Variants in ARFGEF3 observed in about 807,000 individuals in gnomAD.
ARFGEF3 encodes the protein ARFGEF family member 3, also known as brefeldin A-inhibited guanine nucleotide-exchange protein 3.
A neutral mutation model predicts 221.7 loss-of-function variants in ARFGEF3; 96 were observed. The observed-to-expected ratio is 0.43, with a 90% CI of 0.37 to 0.51. ARFGEF3 has a LOEUF of 0.51. Ranked by LOEUF, ARFGEF3 falls within the 20% of genes least tolerant of loss-of-function variation. The pLI is 0.00. For synonymous variants in ARFGEF3, 1,145 were observed against 1,126.8 expected, an observed-to-expected ratio of 1.02 and a Z score of -0.32; for missense variants, 2,410 against 2,789.9, an observed-to-expected ratio of 0.86 and a Z score of 3.07.
intron 4 of ARFGEF3, among the ~76,000 whole-genome samples, chr6:138,222,055 T>G (rs149576111): frequency 3.9e-4 from 59 of 152,286 alleles, no homozygotes; most frequent in Middle Eastern, 6.8e-3. Context: ...TAATCCACAG[T>G]CTCTGAAGCA....
intron 5 of ARFGEF3, among the ~76,000 whole-genome samples, chr6:138,233,502 G>A (rs1292122469): frequency 1.3e-5 from 2 of 151,900 alleles, no homozygotes; most frequent in South Asian, 4.2e-4. Flanking sequence ...TCAGCCTCCC[G>A]AGTAGCTGGG....
intron 2 of ARFGEF3, among the ~76,000 whole-genome samples, chr6:138,195,302 C>A (rs1368758040): frequency 6.6e-6 from 1 of 152,062 alleles, no homozygotes; most frequent in African/African-American, 2.4e-5. Context: ...CCGCACCTGG[C>A]AACCTTTTTC....
intron 12 of ARFGEF3, among the ~76,000 whole-genome samples, chr6:138,271,591 G>A (rs1009757614): frequency 6.6e-6 from 1 of 152,198 alleles, no homozygotes; most frequent in African/African-American, 2.4e-5. Flanking sequence ...CACAGGTTAA[G>A]TAATAAGTCA....
At chr6:138,333,042 G>A (rs564083343) in intron 32 of ARFGEF3, among the ~76,000 whole-genome samples, 20 of 152,286 alleles carry the variant, frequency 1.3e-4, no homozygotes, top group Admixed American at 3.3e-4. Context: ...ATTAATAACG[G>A]TTGTCATAAT....
At chr6:138,231,500 G>A (rs1583023677) in intron 5 of ARFGEF3, among the ~76,000 whole-genome samples, 1 of 152,170 alleles carries the variant, frequency 6.6e-6, no homozygotes, top group African/African-American at 2.4e-5. Context: ...GAAATGATAA[G>A]TGATACTGAG....
At chr6:138,164,397 G>C (rs1176960507) in intron 1 of ARFGEF3, among the ~76,000 whole-genome samples, 1 of 152,148 alleles carries the variant, frequency 6.6e-6, no homozygotes, top group Non-Finnish European at 1.5e-5. Flanking sequence ...CTTTGCTCTT[G>C]CTAGTCCTTC....
intron 24 of ARFGEF3, 102 bp downstream of exon 24, chr6:138,308,963 G>T (rs1430747431): frequency 1.2e-5 from 17 of 1,363,392 alleles, no homozygotes; most frequent in Non-Finnish European, 1.7e-5. Context: ...GAACAAGCAC[G>T]CATCCTGGGG....
chr6:138,271,020 A>G (rs980693563), intron 12 of ARFGEF3, among the ~76,000 whole-genome samples: 1 of 152,096 alleles, frequency 6.6e-6, no homozygotes, highest in Admixed American at 6.6e-5. Flanking sequence ...CATGAAGGAG[A>G]GTTTCAAGGA....
chr6:138,185,140 G>T (rs190882479), intron 2 of ARFGEF3, among the ~76,000 whole-genome samples: 2 of 152,260 alleles, frequency 1.3e-5, no homozygotes, highest in East Asian at 3.9e-4. Flanking sequence ...ATATGAGAGG[G>T]GTACCCTCTC....
chr6:138,247,482 C>T (rs1778505579), intron 8 of ARFGEF3, among the ~76,000 whole-genome samples: 1 of 152,154 alleles, frequency 6.6e-6, no homozygotes, highest in African/African-American at 2.4e-5. Context: ...GTGCTAAGTC[C>T]TCATCCCCGT....
intron 2 of ARFGEF3, among the ~76,000 whole-genome samples, chr6:138,204,339 CA>C (rs11336345): frequency 0.088 from 5,307 of 60,432 alleles, 73 homozygotes; most frequent in East Asian, 0.33. Context: ...ACTCCATCTC[CA>C]AAAAAAAAAA....
At chr6:138,197,736 G>T (rs1322877523) in intron 2 of ARFGEF3, among the ~76,000 whole-genome samples, 1 of 152,162 alleles carries the variant, frequency 6.6e-6, no homozygotes, top group African/African-American at 2.4e-5. Context: ...GAGTTGTTGG[G>T]ATCAAGTGCC....
At chr6:138,335,218 G>T (rs113868940) in intron 33 of ARFGEF3, 30 bp downstream of exon 33, 1 of 1,497,798 alleles carries the variant, frequency 6.7e-7, no homozygotes, top group Admixed American at 2.3e-5. Context: ...GCAGGTGGGC[G>T]GGAGGCTGGG....
At position 138,332,512 on chromosome 6, in the gene ARFGEF3, C is replaced by T. The variant is rs117625672; in HGVS notation, c.5124-1458C>T. On this transcript the variant is annotated intron_variant, in intron 32 of 33. Transcript: ENST00000251691. Reference sequence around the variant, plus strand: ...CTTTTTAGTATGCATCCTGTGGTAGCTTTTGGGCCAAGTTGTTATAAGCTT... The same window carrying T: ...CTTTTTAGTATGCATCCTGTGGTAGTTTTTGGGCCAAGTTGTTATAAGCTT... 1.6e-3 allele frequency among the ~76,000 whole-genome samples: 251 copies of T among 152,200 alleles called. 3 individuals are homozygous for T. In the Middle Eastern group the frequency reaches 0.031, roughly 19 times the overall value.
chr6:138,177,115 G>A (rs886959720), intron 2 of ARFGEF3, among the ~76,000 whole-genome samples: 8 of 148,672 alleles, frequency 5.4e-5, no homozygotes, highest in Non-Finnish European at 1.0e-4. Flanking sequence ...TTTGAGACAC[G>A]GTCATGCTCT....
intron 22 of ARFGEF3, among the ~76,000 whole-genome samples, chr6:138,305,073 TA>T (rs201263639): frequency 0.21 from 29,554 of 140,926 alleles, 3,130 homozygotes; most frequent in East Asian, 0.46. Context: ...TTTCATAAAT[TA>T]AAAAAAAAAA....
At position 138,162,922 on chromosome 6, in the gene ARFGEF3, A is replaced by C. The variant is rs916618416; in HGVS notation, c.85+751A>C. 1.3e-5 allele frequency among the ~76,000 whole-genome samples: 2 copies of C among 152,190 alleles called. No homozygotes were observed. Among genetic ancestry groups the C allele is most frequent in the Non-Finnish European group, 2.9e-5 (2 of 68,046 alleles). On this transcript the variant is annotated intron_variant, in intron 1 of 33. Coordinates refer to ENST00000251691, the MANE Select transcript of ARFGEF3 (RefSeq NM_020340.5). This position sits in a 1 kb window ranked among gnomAD's most constrained non-coding sequence, Gnocchi z 4.7. ...ATAGATCAGAAGCATACTTTGGGTG[A>C]TGGTGATGCTTTTTAGAAAGGAAAG... is the stretch of plus-strand genomic sequence containing the variant.
chr6:138,306,973 A>T (rs951733653), intron 22 of ARFGEF3, among the ~76,000 whole-genome samples: 2 of 147,302 alleles, frequency 1.4e-5, no homozygotes, highest in African/African-American at 5.1e-5. Flanking sequence ...AAAAAAAAAG[A>T]AAATAACAAG....
chr6:138,187,159 C>T (rs1352658263), intron 2 of ARFGEF3, among the ~76,000 whole-genome samples: 1 of 152,168 alleles, frequency 6.6e-6, no homozygotes, highest in Non-Finnish European at 1.5e-5. Flanking sequence ...AGGTGATCCA[C>T]CTGCCTCGGC....
Sources: allele counts gnomAD v4.1 joint callset (sites outside exome capture counted in the v4.1 genomes callset), GRCh38; gene constraint gnomAD v4.1.1; non-coding constraint Gnocchi (gnomAD v3.1); transcripts MANE v1.5; gene names NCBI Gene and HGNC (gene_info 2026-07-23, HGNC 2026-07-21).